Variants in PITHD1 observed in about 807,000 individuals in gnomAD.
The protein encoded by PITHD1 is PITH domain containing 1.
PITHD1 carries 8 observed loss-of-function variants against 27.5 expected under a neutral mutation model. The ratio of observed to expected loss-of-function variants is 0.29; its 90% CI spans 0.17 to 0.52. PITHD1 has a LOEUF of 0.52. PITHD1 is among the 20% of genes least tolerant of loss of function. The pLI is 0.96. For missense variants in PITHD1, 233 were observed against 283.9 expected (o/e 0.82, Z 1.29); for synonymous variants, 118 against 106.8 (o/e 1.10, Z -0.64).
At position 23,781,895 on chromosome 1, in the gene PITHD1, A is replaced by G. The variant is rs145455619; in HGVS notation, c.320+1954A>G. Among the ~76,000 whole-genome samples, 35 of 152,248 alleles carry G rather than the reference A, an allele frequency of 2.3e-4. No individual in the cohort carries two copies. In the East Asian group the frequency reaches 6.0e-3, roughly 26 times the overall value. ...AGGTCTGGAACACAGTAAGTGTCCA[A>G]TTTTGGGTGAACAGATACGAATACA... is the stretch of plus-strand genomic sequence containing the variant. On this transcript the variant is annotated intron_variant, in intron 3 of 5. Coordinates refer to ENST00000246151, the MANE Select transcript of PITHD1 (RefSeq NM_020362.5).
chr1:23,786,756 A>G (rs1638690908), intron 5 of PITHD1, among the ~76,000 whole-genome samples: 1 of 151,170 alleles, frequency 6.6e-6, no homozygotes. Context: ...CGCCTGGCTA[A>G]TTTTTTTGTA....
intron 3 of PITHD1, among the ~76,000 whole-genome samples, chr1:23,782,390 A>G (rs1340541183): frequency 6.6e-6 from 1 of 151,778 alleles, no homozygotes; most frequent in Admixed American, 6.6e-5. Flanking sequence ...CTGCACTCCA[A>G]CATGTGTGAC....
chr1:23,779,788 G>A, intron 2 of PITHD1, 76 bp from the exon 3 acceptor site: 1 of 1,042,426 alleles, frequency 9.6e-7, no homozygotes, highest in Admixed American at 1.7e-5. Flanking sequence ...ACAGGGGAAG[G>A]GTCTTGCCCA....
At position 23,778,721 on chromosome 1, in the gene PITHD1, G is replaced by T; in HGVS notation, c.198+8G>T. On this transcript the variant is annotated splice_region_variant and intron_variant, in intron 1 of 5. Transcript: ENST00000246151. ...CGGACCGACCGCTCCAAGGTGGGCC[G>T]CCTGGGGCTTGGGGCGGGCGGGGCA... The T allele has an allele frequency of 7.9e-7, 1 of 1,273,554 alleles. No homozygotes were observed. Among genetic ancestry groups the T allele is most frequent in the Non-Finnish European group, 9.9e-7 (1 of 1,009,112 alleles). 78.9% of individuals were successfully genotyped at this position (1,273,554 alleles called of 1,614,324 possible).
rs753144897 is a variant in PITHD1, at chr1:23,779,895, A to G, written c.274A>G (p.Ile92Val). ...FTGNVKLKGIIIMGEDDDSHP... is the reference protein window; with the variant it reads ...FTGNVKLKGIVIMGEDDDSHP... ...GGGCAATGTCAAGCTCAAAGGCATC[A>G]TTATAATGGGAGAGGATGATGACTC... The change falls in exon 3 of 6, where the codon ATT (isoleucine) becomes GTT (valine). Residue 92 changes from isoleucine to valine, a missense_variant. Ile to Val is a conservative substitution (Grantham distance 29). Coordinates refer to ENST00000246151, the MANE Select transcript of PITHD1 (RefSeq NM_020362.5). The G allele has an allele frequency of 6.2e-7, 1 of 1,613,870 alleles. No homozygotes were observed. The highest frequency in any genetic ancestry group is 8.5e-7 in the Non-Finnish European group (1 of 1,179,766).
chr1:23,781,455 T>A (rs1259814566), intron 3 of PITHD1, among the ~76,000 whole-genome samples: 1 of 122,138 alleles, frequency 8.2e-6, no homozygotes. Flanking sequence ...AGAGTGAGAC[T>A]CTGTCTCAAA....
At chr1:23,779,546 C>T (rs909131058) in intron 2 of PITHD1, 65 bp downstream of exon 2, 27 of 1,187,458 alleles carry the variant, frequency 2.3e-5, no homozygotes, top group Non-Finnish European at 3.0e-5. Flanking sequence ...CAGATGGATT[C>T]ATTCACTGGT....
At chr1:23,783,458 TTTTG>T (rs1400435713) in intron 3 of PITHD1, among the ~76,000 whole-genome samples, 1 of 149,944 alleles carries the variant, frequency 6.7e-6, no homozygotes, top group Non-Finnish European at 1.5e-5. Context: ...TGTGTGTATT[TTTTG>T]TTTTTTTAAG....
At chr1:23,785,615 T>C in intron 3 of PITHD1, 60 bp from the exon 4 acceptor site, 1 of 1,068,800 alleles carries the variant, frequency 9.4e-7, no homozygotes. Context: ...GTAGAAAATT[T>C]TGAAAACCTG....
Position 23,779,490 on chromosome 1 carries a change from C to A in PITHD1, c.242+9C>A. 6.2e-7 allele frequency: 1 copy of A among 1,605,714 alleles called. No individual in the cohort carries two copies. The highest frequency in any genetic ancestry group is 8.5e-7 in the Non-Finnish European group (1 of 1,172,316). ...CTTCTGTTTAATATTCCGTAAGTATCTCCTTGGTGCCTACCTCAGGCTAAA... is the reference window on the plus strand; with the variant it reads ...CTTCTGTTTAATATTCCGTAAGTATATCCTTGGTGCCTACCTCAGGCTAAA... On this transcript the variant is annotated intron_variant, in intron 2 of 5. Coordinates refer to ENST00000246151, the MANE Select transcript of PITHD1 (RefSeq NM_020362.5).
chr1:23,783,356 C>T (rs1030777336), intron 3 of PITHD1, among the ~76,000 whole-genome samples: 1 of 147,288 alleles, frequency 6.8e-6, no homozygotes, highest in Non-Finnish European at 1.5e-5. Context: ...TACATATATA[C>T]GCATATATAT....
In PITHD1 at chr1:23,787,377, G is replaced by C. The variant is rs1256104716; in HGVS notation, c.*1G>C. 1.9e-6 allele frequency: 3 copies of C among 1,563,418 alleles called. No homozygotes were observed. The highest frequency in any genetic ancestry group is 3.3e-4 in the Middle Eastern group (2 of 5,974). On this transcript the variant is annotated 3_prime_UTR_variant, in exon 6 of 6. Coordinates refer to ENST00000246151, the MANE Select transcript of PITHD1 (RefSeq NM_020362.5). Reference sequence around the variant, plus strand: ...CCCACAGACACACTTTATTTCCTAAGGGCTGGCCAAGGCTCCCATAGAGGC... The same window carrying C: ...CCCACAGACACACTTTATTTCCTAACGGCTGGCCAAGGCTCCCATAGAGGC...
At chr1:23,783,675 G>A (rs866979060) in intron 3 of PITHD1, among the ~76,000 whole-genome samples, 6 of 151,592 alleles carry the variant, frequency 4.0e-5, no homozygotes, top group East Asian at 2.0e-4. Context: ...GGCAGCTCTC[G>A]AACTCCTGAC....
chr1:23,787,218 TG>T, intron 5 of PITHD1, 56 bp from the exon 6 acceptor site: 1 of 1,067,828 alleles, frequency 9.4e-7, no homozygotes, highest in Non-Finnish European at 1.5e-6. Context: ...ATGTGTGTGG[TG>T]TGGGAAAGGA....
rs1011378030 is a variant in PITHD1 at position 23,785,793 on chromosome 1, C to T, written c.425+14C>T. 3.5e-6 allele frequency: 5 copies of T among 1,415,974 alleles called. No individual in the cohort carries two copies. Among genetic ancestry groups the T allele is most frequent in the East Asian group, 2.3e-5 (1 of 43,896 alleles). The allele number at this position is 1,415,974 out of a possible 1,614,324, so 87.7% of individuals were successfully genotyped here. ...GTATGCTACAAAGTAAGCACTGGGCCTGTCTTCCATTCTCTATGGCTTCTT... is the reference window on the plus strand; with the variant it reads ...GTATGCTACAAAGTAAGCACTGGGCTTGTCTTCCATTCTCTATGGCTTCTT... On this transcript the variant is annotated intron_variant, in intron 4 of 5. Transcript: ENST00000246151.
At chr1:23,779,709 A>G in intron 2 of PITHD1, 155 bp from the exon 3 acceptor site, 1 of 673,916 alleles carries the variant, frequency 1.5e-6, no homozygotes, top group Non-Finnish European at 2.7e-6. Context: ...GAATTGTAGA[A>G]TGCTAGAGGT....
chr1:23,787,219 G>A (rs1638698343), intron 5 of PITHD1, 56 bp from the exon 6 acceptor site: 3 of 1,117,678 alleles, frequency 2.7e-6, no homozygotes, highest in Non-Finnish European at 1.4e-6. Context: ...TGTGTGTGGT[G>A]TGGGAAAGGA....
chr1:23,779,023 A>C (rs980206368), intron 1 of PITHD1, among the ~76,000 whole-genome samples: 5 of 152,180 alleles, frequency 3.3e-5, no homozygotes, highest in Admixed American at 2.6e-4. Context: ...TGGCTGCCTC[A>C]TCATATTACC....
chr1:23,778,802 C>T, intron 1 of PITHD1, 89 bp downstream of exon 1: 3 of 799,742 alleles, frequency 3.8e-6, no homozygotes, highest in Non-Finnish European at 5.1e-6. Context: ...TTAAGAATAA[C>T]GACAGCCTGG....
Sources: allele counts gnomAD v4.1 joint callset (sites outside exome capture counted in the v4.1 genomes callset), GRCh38; gene constraint gnomAD v4.1.1; transcripts MANE v1.5; gene names NCBI Gene and HGNC (gene_info 2026-07-23, HGNC 2026-07-21).